Variants in SNRNP70 observed in about 807,000 individuals in gnomAD.
The protein encoded by SNRNP70 is U1 small nuclear ribonucleoprotein 70 kDa.
Under a neutral mutation model 50.5 loss-of-function variants are expected in SNRNP70, and 8 were observed. The ratio of observed to expected loss-of-function variants is 0.16; its 90% CI spans 0.09 to 0.29. The LOEUF is 0.29. SNRNP70 is among the 10% of genes least tolerant of loss of function. SNRNP70 has a pLI of 1.00. For missense variants in SNRNP70, 529 were observed against 663.5 expected (o/e 0.80, Z 2.23); for synonymous variants, 320 against 252.9 (o/e 1.27, Z -2.52).
chr19:49,086,622 C>G (rs2122297405), intron 2 of SNRNP70, 61 bp downstream of exon 2: 3 of 1,514,924 alleles, frequency 2.0e-6, no homozygotes, highest in African/African-American at 1.4e-5. Context: ...GTTGGATTTG[C>G]GAGTCCAGCT....
chr19:49,108,103 C>A lies in SNRNP70; in HGVS notation c.974C>A (p.Ala325Glu). 1 of 1,549,498 alleles carries A rather than the reference C, an allele frequency of 6.5e-7. No homozygotes were observed. The highest frequency in any genetic ancestry group is 8.7e-7 in the Non-Finnish European group (1 of 1,147,804). Residue 325 changes from alanine to glutamate, a missense_variant, in exon 10 of 10, where the codon GCG (alanine) becomes GAG (glutamate). By Grantham distance (107) the Ala-to-Glu change is moderately radical (BLOSUM62 -1). Coordinates refer to ENST00000598441, the MANE Select transcript of SNRNP70 (RefSeq NM_003089.6). ...DMAEPSEAGD[A>E]PPDDGPPGEL... is the part of the protein sequence containing the mutation. ...GCGGAGCCCTCCGAGGCGGGTGACG[C>A]GCCCCCTGATGATGGGCCTCCAGGG...
At position 49,108,325 on chromosome 19, in the gene SNRNP70, A is replaced by C. The variant is rs531165661; in HGVS notation, c.1196A>C (p.Gln399Pro). The change falls in exon 10 of 10, where the codon CAG (glutamine) becomes CCG (proline). Residue 399 changes from glutamine to proline, a missense_variant. Transcript: ENST00000598441. ...RDEARGGGGG[Q>P]DNGLEGLGND... The stretch of plus-strand genomic sequence containing the variant: ...GAGGCCCGAGGTGGGGGCGGTGGCC[A>C]GGACAACGGGCTGGAGGGTCTGGGC... The C allele has an allele frequency of 6.3e-7, 1 of 1,599,302 alleles. No homozygotes were observed. Among genetic ancestry groups the C allele is most frequent in the African/African-American group, 1.3e-5 (1 of 74,682 alleles).
intron 1 of SNRNP70, 53 bp downstream of exon 1, chr19:49,085,689 G>A (rs2040368252): frequency 2.2e-6 from 1 of 454,550 alleles, no homozygotes; most frequent in South Asian, 1.6e-5. Flanking sequence ...CTACCCAGAA[G>A]CCCCAGCGGT....
intron 4 of SNRNP70, among the ~76,000 whole-genome samples, chr19:49,096,411 G>A (rs890294488): frequency 6.6e-6 from 1 of 152,142 alleles, no homozygotes; most frequent in African/African-American, 2.4e-5. Context: ...GTTGTTTTCA[G>A]ACGTTTCCAT....
chr19:49,096,405 T>G (rs12974005), intron 4 of SNRNP70, among the ~76,000 whole-genome samples: 17,961 of 152,120 alleles, frequency 0.12, 1,205 homozygotes, highest in African/African-American at 0.17. Flanking sequence ...GATGGAGTTG[T>G]TTTCAGACGT....
chr19:49,101,779 C>T (rs1341269013), intron 7 of SNRNP70: 16 of 420,884 alleles, frequency 3.8e-5, no homozygotes, highest in African/African-American at 1.0e-4. Context: ...GGGGAGGGGT[C>T]GGATTTTGGG....
intron 4 of SNRNP70, among the ~76,000 whole-genome samples, chr19:49,095,752 C>G (rs2040504903): frequency 6.6e-6 from 1 of 151,854 alleles, no homozygotes; most frequent in African/African-American, 2.4e-5. Flanking sequence ...TTCTTGAACT[C>G]TTGGTCACAA....
rs1804319 is a variant in SNRNP70 at position 49,108,483 on chromosome 19, C to T, written c.*40C>T. The T allele has an allele frequency of 1.0e-5, 16 of 1,550,804 alleles. No individual in the cohort carries two copies. The highest frequency in any genetic ancestry group is 1.4e-5 in the African/African-American group (1 of 73,298). On this transcript the variant is annotated 3_prime_UTR_variant, in exon 10 of 10. Transcript: ENST00000598441. ...CCATCTGCTGTGTTTGGACGCGTTC[C>T]TGCCCAGCCCCTTGCTGTCATCCCC... is the stretch of plus-strand genomic sequence containing the variant.
At chr19:49,100,656 A>T (rs1401879785) in intron 6 of SNRNP70, among the ~76,000 whole-genome samples, 2 of 151,942 alleles carry the variant, frequency 1.3e-5, no homozygotes, top group African/African-American at 4.8e-5. Context: ...GATACAAAAA[A>T]TTACCCAGGT....
chr19:49,095,098 A>T (rs2040496506), intron 4 of SNRNP70, among the ~76,000 whole-genome samples: 1 of 152,354 alleles, frequency 6.6e-6, no homozygotes, highest in Middle Eastern at 3.4e-3. Context: ...TTTGTTCTCT[A>T]TCTTCAGGAC....
chr19:49,092,517 T>G (rs2040459839), intron 4 of SNRNP70, among the ~76,000 whole-genome samples: 1 of 152,004 alleles, frequency 6.6e-6, no homozygotes, highest in Admixed American at 6.6e-5. Context: ...CAAGTGATTC[T>G]CCTGCCTCAG....
Position 49,104,572 on chromosome 19 carries a change from TG to T in SNRNP70, c.476-61del. On this transcript the variant is annotated intron_variant, in intron 7 of 9. Coordinates refer to ENST00000598441, the MANE Select transcript of SNRNP70 (RefSeq NM_003089.6). This position sits in a 1 kb window ranked among gnomAD's most constrained non-coding sequence, Gnocchi z 5.4. ...GGCGGGGATTCTGTAGAGCTGGGCC[TG>T]TCCTGACTAGAGGACCCTCTGGGGA... 7.9e-7 allele frequency: 1 copy of T among 1,268,166 alleles called. No homozygotes were observed. The highest frequency in any genetic ancestry group is 1.1e-6 in the Non-Finnish European group (1 of 890,572). 78.6% of individuals were successfully genotyped at this position (1,268,166 alleles called of 1,614,324 possible). A position where few individuals can be genotyped will look rare whatever the true frequency, so the allele number is the denominator to read the frequency against.
Position 49,101,393 on chromosome 19 carries a change from C to A in SNRNP70, c.397C>A (p.His133Asn). ...FEVYGPIKRI[H>N]MVYSKRSGKP... ...CCTGTCCCCATGTGCCCCACAGATA[C>A]ACATGGTCTACAGTAAGCGGTCAGG... Residue 133 changes from histidine to asparagine, a missense_variant, in exon 7 of 10, where the codon CAC (histidine) becomes AAC (asparagine). Transcript: ENST00000598441. 1.9e-6 allele frequency: 3 copies of A among 1,613,634 alleles called. No individual in the cohort carries two copies. Among genetic ancestry groups the A allele is most frequent in the Non-Finnish European group, 2.5e-6 (3 of 1,179,546 alleles).
intron 7 of SNRNP70, chr19:49,101,743 G>T (rs992591295): frequency 8.3e-6 from 4 of 480,892 alleles, no homozygotes; most frequent in African/African-American, 7.8e-5. Flanking sequence ...GGAACTGGGT[G>T]GGGGGCTGGG....
At chr19:49,101,522 C>T (rs773799795) in intron 7 of SNRNP70, 51 bp downstream of exon 7, 1 of 1,312,596 alleles carries the variant, frequency 7.6e-7, no homozygotes, top group Admixed American at 1.7e-5. Context: ...CACTTCTCTG[C>T]TGCCCCAGCC....
chr19:49,107,451 C>CGTGGCT lies in SNRNP70; in HGVS notation c.578-171_578-166dup. Among the ~76,000 whole-genome samples the CGTGGCT allele has an allele frequency of 6.6e-6, 1 of 152,302 alleles. No homozygotes were observed. Among genetic ancestry groups the CGTGGCT allele is most frequent in the East Asian group, 1.9e-4 (1 of 5,180 alleles). On this transcript the variant is annotated intron_variant, in intron 8 of 9. Transcript: ENST00000598441. This position sits in a 1 kb window ranked among gnomAD's most constrained non-coding sequence, Gnocchi z 6.0. ...CTTTGTGTGAGTTAATTAGAGAAGA[C>CGTGGCT]GTGGCTGTCTTGTGATGGGAGTGCG...
At chr19:49,090,632 G>A in intron 4 of SNRNP70, 112 bp downstream of exon 4, 2 of 1,011,190 alleles carry the variant, frequency 2.0e-6, no homozygotes, top group Non-Finnish European at 3.0e-6. Context: ...TGGGGAACAG[G>A]GTTGTTAGTT....
At chr19:49,086,679 T>C (rs532096584) in intron 2 of SNRNP70, 118 bp downstream of exon 2, 1 of 917,702 alleles carries the variant, frequency 1.1e-6, no homozygotes, top group Non-Finnish European at 1.7e-6. Flanking sequence ...GGCTTAACCT[T>C]TGTGATCCTC....
At chr19:49,100,166 C>T (rs1184082409) in intron 6 of SNRNP70, among the ~76,000 whole-genome samples, 3 of 152,180 alleles carry the variant, frequency 2.0e-5, no homozygotes, top group Non-Finnish European at 4.4e-5. Context: ...ATGCTGTTAC[C>T]TCCCAGAAAT....
Sources: allele counts gnomAD v4.1 joint callset (sites outside exome capture counted in the v4.1 genomes callset), GRCh38; gene constraint gnomAD v4.1.1; non-coding constraint Gnocchi (gnomAD v3.1); transcripts MANE v1.5; gene names NCBI Gene and HGNC (gene_info 2026-07-23, HGNC 2026-07-21).